The following PPP2R3B variants were observed in gnomAD, a reference collection of about 807,000 sequenced individuals.
The protein encoded by PPP2R3B is serine/threonine-protein phosphatase 2A regulatory subunit B'' subunit beta.
PPP2R3B carries 68 observed loss-of-function variants against 72.9 expected under a neutral mutation model. The ratio of observed to expected loss-of-function variants is 0.93; its 90% CI spans 0.77 to 1.14. The LOEUF is 1.14. Ranked by LOEUF, PPP2R3B falls within the 50% of genes most tolerant of loss-of-function variation. The pLI is 0.00. For missense variants in PPP2R3B, 1,018 were observed against 842.0 expected, an observed-to-expected ratio of 1.21 and a Z score of -2.59; for synonymous variants, 466 against 375.8, an observed-to-expected ratio of 1.24 and a Z score of -2.78.
In PPP2R3B at chrX:347,251, A is replaced by G. The variant is rs759486234; in HGVS notation, c.700T>C (p.Phe234Leu). ...PGCNYLVQED[F>L]VPFLQDVVNT... ...GCTCTCACCTGCAAGAAGGGGACAA[A>G]GTCCTCCTGCACCAGGTAGTTGCAG... Residue 234 changes from phenylalanine (F) to leucine (L), a missense_variant, in exon 4 of 13, where the codon TTT (phenylalanine) becomes CTT (leucine). Phe to Leu is a conservative substitution (Grantham distance 22, BLOSUM62 0). Transcript: ENST00000390665. The G allele has an allele frequency of 1.9e-6, 3 of 1,613,672 alleles. No homozygotes were observed. Among genetic ancestry groups the G allele is most frequent in the Non-Finnish European group, 2.5e-6 (3 of 1,179,746 alleles).
At chrX:352,961 G>A (rs1031839300) in intron 2 of PPP2R3B, among the ~76,000 whole-genome samples, 2 of 151,694 alleles carry the variant, frequency 1.3e-5, no homozygotes, top group South Asian at 2.1e-4. Context: ...GTCTCACGGG[G>A]AACTGTGATC....
Position 334,261 on chromosome X carries a change from T to C in PPP2R3B, c.*106A>G, listed in dbSNP as rs1325080832. 12 of 1,257,082 alleles carry C rather than the reference T, an allele frequency of 9.5e-6. No individual in the cohort carries two copies. Among genetic ancestry groups the C allele is most frequent in the East Asian group, 9.0e-5 (3 of 33,234 alleles). The allele number at this position is 1,257,082 out of a possible 1,614,324, so 77.9% of individuals were successfully genotyped here. ...TCTGTGAATAAATAAAAGTTTATCA[T>C]TCCGTACAAACGCACTCATTTTCCA... is the stretch of plus-strand genomic sequence containing the variant. On this transcript the variant is annotated 3_prime_UTR_variant, in exon 13 of 13. Transcript: ENST00000390665.
intron 2 of PPP2R3B, chrX:359,972 A>G: frequency 5.2e-6 from 2 of 384,870 alleles, no homozygotes; most frequent in Non-Finnish European, 1.0e-5. Context: ...AAAATACTTT[A>G]AAAACACAAT....
intron 12 of PPP2R3B, chrX:335,310 G>C (rs2070858878): frequency 6.6e-6 from 1 of 152,376 alleles, no homozygotes; most frequent in African/African-American, 2.4e-5. Flanking sequence ...ATCCAGGCTA[G>C]GTCTGGGGGC....
At chrX:349,924 A>C (rs970414678) in intron 2 of PPP2R3B, among the ~76,000 whole-genome samples, 1 of 152,134 alleles carries the variant, frequency 6.6e-6, no homozygotes, top group Non-Finnish European at 1.5e-5. Context: ...GTTGACCCAG[A>C]GTCCACGCGA....
rs2071094382 is a variant in PPP2R3B at position 342,181 on chromosome X, T to C, written c.1037-250A>G. On this transcript the variant is annotated intron_variant, in intron 7 of 12. Coordinates refer to ENST00000390665, the MANE Select transcript of PPP2R3B (RefSeq NM_013239.5). Reference sequence around the variant, plus strand: ...GCTGACCGCGGCTCCAAGACCGACTTGTAAAGAGCAGAATATTCAGGCCTC... The same window carrying C: ...GCTGACCGCGGCTCCAAGACCGACTCGTAAAGAGCAGAATATTCAGGCCTC... The C allele has an allele frequency of 5.0e-6, 3 of 603,870 alleles. No homozygotes were observed. In the African/African-American group the frequency reaches 5.6e-5, roughly 11 times the overall value. 37.4% of individuals were successfully genotyped at this position (603,870 alleles called of 1,614,324 possible). A position where few individuals can be genotyped will look rare whatever the true frequency, so the allele number is the denominator to read the frequency against.
chrX:334,714 G>A, intron 12 of PPP2R3B, 197 bp from the exon 13 acceptor site: 2 of 623,444 alleles, frequency 3.2e-6, no homozygotes, highest in Admixed American at 4.2e-5. Context: ...CGGGGGAGGG[G>A]CCTGCGGTGC....
intron 2 of PPP2R3B, among the ~76,000 whole-genome samples, chrX:358,941 G>A (rs1428221642): frequency 6.7e-6 from 1 of 149,502 alleles, no homozygotes; most frequent in Non-Finnish European, 1.5e-5. Context: ...CACCGCGGCG[G>A]GGGTAGGGGA....
At chrX:361,711 G>A (rs2071545592) in intron 1 of PPP2R3B, 121 bp from the exon 2 acceptor site, 1 of 1,137,494 alleles carries the variant, frequency 8.8e-7, no homozygotes, top group Non-Finnish European at 1.3e-6. Context: ...TCCCAGCCGG[G>A]AGAGGACACA....
rs1294391185 is a variant in PPP2R3B at position 338,721 on chromosome X, C to G, written c.1471-11G>C. ...GCCGCTGTCACCGTCCTGGAGGAAG[C>G]ACACGGGTTACGTACACGGCGTGGC... On this transcript the variant is annotated splice_polypyrimidine_tract_variant and intron_variant, in intron 11 of 12. Transcript: ENST00000390665. The G allele has an allele frequency of 3.7e-6, 6 of 1,611,786 alleles. No homozygotes were observed. The South Asian group carries it at 6.6e-5, about 18-fold the overall frequency.
chrX:375,217 G>A (rs746832182), intron 1 of PPP2R3B, among the ~76,000 whole-genome samples: 1 of 152,316 alleles, frequency 6.6e-6, no homozygotes, highest in African/African-American at 2.4e-5. Context: ...CTGACCCCCG[G>A]TAAGTCTCCA....
intron 2 of PPP2R3B, among the ~76,000 whole-genome samples, chrX:351,565 C>T (rs865902434): frequency 8.0e-5 from 12 of 149,092 alleles, no homozygotes; most frequent in South Asian, 6.6e-4. Context: ...TTTCGAGACA[C>T]GGTCTTGCTG....
At chrX:384,436 T>G (rs2072200542) in intron 1 of PPP2R3B, among the ~76,000 whole-genome samples, 1 of 151,734 alleles carries the variant, frequency 6.6e-6, no homozygotes, top group South Asian at 2.1e-4. Context: ...AGCTGAGACT[T>G]CAGGTGCGCC....
At chrX:347,979 A>T (rs2071258894) in intron 2 of PPP2R3B, 2 of 415,624 alleles carry the variant, frequency 4.8e-6, no homozygotes, top group East Asian at 4.0e-5. Flanking sequence ...AGCGTCTGGA[A>T]ATCAAGCGGC....
At position 381,593 on chromosome X, in the gene PPP2R3B, C is replaced by CTTTTTTTTT. The variant is rs950950107; in HGVS notation, c.324+4766_324+4774dup. Reference sequence around the variant, plus strand: ...ATGGGATGGACAGGAACAAGCTCATCTTTTTTTTTTTTTTTTTTTTTTTGA... The same window carrying CTTTTTTTTT: ...ATGGGATGGACAGGAACAAGCTCATCTTTTTTTTTTTTTTTTTTTTTTTTTTTTTTTTGA... On this transcript the variant is annotated intron_variant, in intron 1 of 12. Transcript: ENST00000390665. 2.4e-4 allele frequency among the ~76,000 whole-genome samples: 23 copies of CTTTTTTTTT among 95,064 alleles called. 3 individuals are homozygous for CTTTTTTTTT. Among genetic ancestry groups the CTTTTTTTTT allele is most frequent in the African/African-American group, 9.4e-4 (22 of 23,500 alleles). The allele number at this position is 95,064 out of a possible 152,430, so 62.4% of individuals were successfully genotyped here.
rs2738335 is a variant in PPP2R3B, at chrX:356,205, G to T, written c.510+5200C>A. On this transcript the variant is annotated intron_variant, in intron 2 of 12. Coordinates refer to ENST00000390665, the MANE Select transcript of PPP2R3B (RefSeq NM_013239.5). ...GTCACTCAGGGCCACCCCGGAAGCAGGGTTTTTTGTTTTTTGTTTTTTTGC... is the reference window on the plus strand; with the variant it reads ...GTCACTCAGGGCCACCCCGGAAGCATGGTTTTTTGTTTTTTGTTTTTTTGC... Among the ~76,000 whole-genome samples the T allele has an allele frequency of 1.6e-4, 25 of 151,966 alleles. 1 individual carries two copies. In the South Asian group the frequency reaches 2.5e-3, roughly 15 times the overall value.
At chrX:379,261 CT>C (rs2072070267) in intron 1 of PPP2R3B, among the ~76,000 whole-genome samples, 4 of 142,114 alleles carry the variant, frequency 2.8e-5, no homozygotes. Flanking sequence ...GTGTATGGAC[CT>C]ATGTATGTGT....
chrX:369,768 G>C (rs2071815706), intron 1 of PPP2R3B, among the ~76,000 whole-genome samples: 1 of 152,236 alleles, frequency 6.6e-6, no homozygotes, highest in African/African-American at 2.4e-5. Flanking sequence ...AAGCCACAGA[G>C]GAGGTGCCGG....
chrX:356,274 G>A (rs902598806), intron 2 of PPP2R3B, among the ~76,000 whole-genome samples: 5 of 152,200 alleles, frequency 3.3e-5, no homozygotes, highest in Admixed American at 1.3e-4. Flanking sequence ...GGAGTGCAGT[G>A]GTGCGATCTT....
Sources: gnomAD v4.1 joint callset for allele counts (sites outside exome capture counted in the v4.1 genomes callset) on GRCh38, gnomAD v4.1.1 for gene constraint, MANE v1.5 for transcripts, NCBI Gene and HGNC (gene_info 2026-07-23, HGNC 2026-07-21) for gene names.